ZDHHC14: variants seen among roughly 807,000 people sequenced by gnomAD.
ZDHHC14 encodes palmitoyltransferase ZDHHC14.
A neutral mutation model predicts 47.7 loss-of-function variants in ZDHHC14; 16 were observed. The observed-to-expected ratio is 0.34, with a 90% CI of 0.23 to 0.51. The LOEUF (loss-of-function observed/expected upper bound fraction) is 0.51, where lower values mean the gene tolerates loss of function less well. ZDHHC14 is among the 20% of genes least tolerant of loss of function. ZDHHC14 has a pLI of 0.97. For missense variants in ZDHHC14, 515 were observed against 662.5 expected, an observed-to-expected ratio of 0.78 and a Z score of 2.44; for synonymous variants, 293 against 278.9, an observed-to-expected ratio of 1.05 and a Z score of -0.50.
At chr6:157,439,394 A>G (rs570763999) in intron 1 of ZDHHC14, among the ~76,000 whole-genome samples, 54 of 152,340 alleles carry the variant, frequency 3.5e-4, no homozygotes, top group African/African-American at 1.3e-3. Flanking sequence ...TGTGGCCAAC[A>G]AACATATTAA....
intron 1 of ZDHHC14, among the ~76,000 whole-genome samples, chr6:157,390,375 G>A (rs1332916860): frequency 6.6e-6 from 1 of 152,052 alleles, no homozygotes; most frequent in African/African-American, 2.4e-5. Context: ...CCTATGTATG[G>A]TTTTCTTTAC....
intron 3 of ZDHHC14, among the ~76,000 whole-genome samples, chr6:157,622,333 A>G (rs1785229982): frequency 6.6e-6 from 1 of 152,074 alleles, no homozygotes; most frequent in African/African-American, 2.4e-5. Flanking sequence ...AGAGGCTGCA[A>G]TGAGCCGAGA....
At chr6:157,556,142 C>T (rs576932100) in intron 2 of ZDHHC14, among the ~76,000 whole-genome samples, 1 of 152,068 alleles carries the variant, frequency 6.6e-6, no homozygotes, top group East Asian at 1.9e-4. Context: ...AGCTGCCAAG[C>T]GTGGCGTACT....
intron 5 of ZDHHC14, among the ~76,000 whole-genome samples, chr6:157,633,577 G>A (rs1157667601): frequency 6.6e-6 from 1 of 152,162 alleles, no homozygotes; most frequent in African/African-American, 2.4e-5. Context: ...GCTCGTCAGT[G>A]ACCCAGTTCT....
At chr6:157,487,668 C>T (rs994429224) in intron 1 of ZDHHC14, among the ~76,000 whole-genome samples, 6 of 152,210 alleles carry the variant, frequency 3.9e-5, no homozygotes, top group Non-Finnish European at 8.8e-5. Flanking sequence ...TCCAGCAGCA[C>T]AAGGATTCAT....
chr6:157,596,392 C>T (rs1784130200), intron 3 of ZDHHC14, among the ~76,000 whole-genome samples: 1 of 152,214 alleles, frequency 6.6e-6, no homozygotes. Context: ...CAGGTTTGAG[C>T]TGGTCCTTCC....
chr6:157,583,412 C>T (rs1173987396), intron 2 of ZDHHC14, among the ~76,000 whole-genome samples: 1 of 152,026 alleles, frequency 6.6e-6, no homozygotes, highest in Non-Finnish European at 1.5e-5. Flanking sequence ...TTTCAGAGGA[C>T]CAAGGCTTTT....
chr6:157,631,382 G>C (rs958478635), intron 4 of ZDHHC14: 1 of 152,186 alleles, frequency 6.6e-6, no homozygotes, highest in Non-Finnish European at 1.5e-5. Flanking sequence ...AATATCCTGG[G>C]CAAAAGCAAA....
intron 2 of ZDHHC14, among the ~76,000 whole-genome samples, chr6:157,584,123 C>T (rs2114877583): frequency 6.6e-6 from 1 of 152,100 alleles, no homozygotes; most frequent in South Asian, 2.1e-4. Flanking sequence ...ATGGCAGTGG[C>T]CGAGGAGATC....
chr6:157,487,871 G>A (rs914506316), intron 1 of ZDHHC14, among the ~76,000 whole-genome samples: 1 of 152,188 alleles, frequency 6.6e-6, no homozygotes, highest in Admixed American at 6.5e-5. Context: ...GTCCCCCGGA[G>A]CTGCTCTTTC....
intron 1 of ZDHHC14, among the ~76,000 whole-genome samples, chr6:157,481,303 T>G (rs1779623872): frequency 6.6e-6 from 1 of 152,202 alleles, no homozygotes; most frequent in Non-Finnish European, 1.5e-5. Flanking sequence ...TATCGTATTT[T>G]TCCTTTTTTG....
intron 1 of ZDHHC14, among the ~76,000 whole-genome samples, chr6:157,389,644 G>A (rs1777382424): frequency 1.3e-5 from 2 of 151,850 alleles, no homozygotes; most frequent in South Asian, 4.2e-4. Context: ...GTTTCTTTGT[G>A]CTATTTTTAT....
intron 8 of ZDHHC14, 38 bp from the exon 9 acceptor site, chr6:157,672,682 CTCCT>C: frequency 6.2e-7 from 1 of 1,602,846 alleles, no homozygotes; most frequent in Admixed American, 1.7e-5. Flanking sequence ...CCTCTGCCCC[CTCCT>C]CTCCACCTTC....
chr6:157,629,206 T>A (rs1481397758), intron 4 of ZDHHC14, among the ~76,000 whole-genome samples: 24 of 152,260 alleles, frequency 1.6e-4, no homozygotes, highest in Admixed American at 1.6e-3. Flanking sequence ...TGCTTTTGTC[T>A]CTTGGTCATT....
chr6:157,605,520 A>G (rs1465726137), intron 3 of ZDHHC14, among the ~76,000 whole-genome samples: 1 of 152,124 alleles, frequency 6.6e-6, no homozygotes, highest in African/African-American at 2.4e-5. Flanking sequence ...TGTCACCCCC[A>G]TTTGCTGTGG....
intron 1 of ZDHHC14, among the ~76,000 whole-genome samples, chr6:157,531,839 T>G (rs1157023466): frequency 1.3e-5 from 2 of 152,270 alleles, no homozygotes; most frequent in Non-Finnish European, 2.9e-5. Flanking sequence ...CCAAAGGCCT[T>G]GAGTTACTGC....
At chr6:157,409,196 C>T (rs1446338168) in intron 1 of ZDHHC14, among the ~76,000 whole-genome samples, 2 of 152,174 alleles carry the variant, frequency 1.3e-5, no homozygotes, top group Admixed American at 6.5e-5. Flanking sequence ...AGAGGCCAGC[C>T]GGTATTGAGG....
intron 1 of ZDHHC14, among the ~76,000 whole-genome samples, chr6:157,535,396 AAAGC>A (rs1316045246): frequency 6.6e-6 from 1 of 152,226 alleles, no homozygotes. Flanking sequence ...AGCAAGCCTG[AAAGC>A]TACAGTTCTC....
intron 2 of ZDHHC14, among the ~76,000 whole-genome samples, chr6:157,577,411 CTATTT>C (rs1387366604): frequency 2.6e-5 from 4 of 152,146 alleles, no homozygotes; most frequent in Non-Finnish European, 5.9e-5. Flanking sequence ...AATGGTAATT[CTATTT>C]TAAGTTCTTT....
Sources: gnomAD v4.1 joint callset for allele counts (sites outside exome capture counted in the v4.1 genomes callset) on GRCh38, gnomAD v4.1.1 for gene constraint, MANE v1.5 for transcripts, NCBI Gene and HGNC (gene_info 2026-07-23, HGNC 2026-07-21) for gene names.